The following PANK3 variants were observed in gnomAD, a reference collection of about 807,000 sequenced individuals.
PANK3 encodes hPanK3.
PANK3 carries 20 observed loss-of-function variants against 39.4 expected under a neutral mutation model. The ratio of observed to expected loss-of-function variants is 0.51; its 90% CI spans 0.36 to 0.74. The LOEUF (loss-of-function observed/expected upper bound fraction) is 0.74. Among genes scored for constraint, PANK3 ranks in the 30% least tolerant of loss-of-function variants. The probability of loss-of-function intolerance (pLI) is 0.00; values close to 1 mark genes in which losing one functional copy is unlikely to be tolerated. For synonymous variants in PANK3, 140 were observed against 157.3 expected (o/e 0.89, Z 0.82); for missense variants, 265 against 437.0 (o/e 0.61, Z 3.51).
intron 1 of PANK3, among the ~76,000 whole-genome samples, chr5:168,569,727 T>G (rs1378560952): frequency 2.6e-5 from 4 of 152,116 alleles, no homozygotes; most frequent in Non-Finnish European, 4.4e-5. Flanking sequence ...TATAATCACT[T>G]CAAGTAACCC....
intron 1 of PANK3, 31 bp downstream of exon 1, chr5:168,579,225 C>G: frequency 6.7e-7 from 1 of 1,486,106 alleles, no homozygotes; most frequent in Non-Finnish European, 9.0e-7. Flanking sequence ...GGGTGCCCTC[C>G]CAACCTGGCG....
At chr5:168,574,689 C>T (rs1431976546) in intron 1 of PANK3, among the ~76,000 whole-genome samples, 5 of 152,080 alleles carry the variant, frequency 3.3e-5, no homozygotes, top group Non-Finnish European at 1.5e-5. Context: ...GGTGAAACCT[C>T]GTCTCTACCA....
intron 5 of PANK3, among the ~76,000 whole-genome samples, chr5:168,560,059 A>G (rs1328553764): frequency 6.6e-6 from 1 of 152,194 alleles, no homozygotes; most frequent in Non-Finnish European, 1.5e-5. Flanking sequence ...ATCTTTGTAC[A>G]TAAGTTGGGA....
At chr5:168,569,631 G>T (rs1341977901) in intron 1 of PANK3, among the ~76,000 whole-genome samples, 1 of 152,078 alleles carries the variant, frequency 6.6e-6, no homozygotes, top group Non-Finnish European at 1.5e-5. Context: ...AAAAAATTCA[G>T]ATCATTCTTT....
chr5:168,564,108 A>C, intron 3 of PANK3, 43 bp from the exon 4 acceptor site: 1 of 1,482,624 alleles, frequency 6.7e-7, no homozygotes, highest in Non-Finnish European at 9.1e-7. Context: ...TTTATACATT[A>C]TATTCTTTCT....
At chr5:168,576,494 T>C (rs1156331979) in intron 1 of PANK3, among the ~76,000 whole-genome samples, 1 of 152,226 alleles carries the variant, frequency 6.6e-6, no homozygotes, top group Non-Finnish European at 1.5e-5. Flanking sequence ...TCCCCTGGCG[T>C]TGAATTAACA....
chr5:168,561,179 TCTC>T (rs925182377), intron 5 of PANK3, among the ~76,000 whole-genome samples: 3 of 152,192 alleles, frequency 2.0e-5, no homozygotes, highest in Non-Finnish European at 2.9e-5. Context: ...TGAATAAATT[TCTC>T]CTATTTCAAT....
chr5:168,577,218 C>A (rs896312811), intron 1 of PANK3, among the ~76,000 whole-genome samples: 3 of 151,962 alleles, frequency 2.0e-5, no homozygotes, highest in Non-Finnish European at 4.4e-5. Flanking sequence ...GTTGAAATAC[C>A]TTCTTTCCCA....
intron 1 of PANK3, among the ~76,000 whole-genome samples, chr5:168,573,528 A>G (rs1329031768): frequency 6.7e-6 from 1 of 148,996 alleles, no homozygotes; most frequent in Non-Finnish European, 1.5e-5. Flanking sequence ...TTTTTTAAAA[A>G]TTATTATTAT....
At chr5:168,561,622 A>G in intron 4 of PANK3, 106 bp from the exon 5 acceptor site, 1 of 1,011,942 alleles carries the variant, frequency 9.9e-7, no homozygotes, top group Non-Finnish European at 1.3e-6. Context: ...TTAGGACCAA[A>G]AAGTAGAAAC....
rs745494746 is a variant in PANK3 at position 168,579,243 on chromosome 5, GCCC to G, written c.28+10_28+12del. On this transcript the variant is annotated intron_variant, in intron 1 of 6. Transcript: ENST00000239231. ...TGCCCTCCCAACCTGGCGGGCCCCA[GCCC>G]CCGTCTTACAGGGTTTCTTGGCATC... 5.8e-5 allele frequency: 87 copies of G among 1,490,170 alleles called. No individual in the cohort carries two copies. The highest frequency in any genetic ancestry group is 2.7e-6 in the Non-Finnish European group (3 of 1,117,600). 92.3% of individuals were successfully genotyped at this position (1,490,170 alleles called of 1,614,324 possible).
At chr5:168,560,209 T>G (rs1759425070) in intron 5 of PANK3, among the ~76,000 whole-genome samples, 1 of 152,152 alleles carries the variant, frequency 6.6e-6, no homozygotes, top group South Asian at 2.1e-4. Flanking sequence ...AACTAACACT[T>G]AAGTTTCTAA....
At chr5:168,573,416 C>CAAAAAAAAAA (rs574960925) in intron 1 of PANK3, among the ~76,000 whole-genome samples, 189 of 16,962 alleles carry the variant, frequency 0.011, 20 homozygotes, top group African/African-American at 0.022. Context: ...CTCAGCAAGG[C>CAAAAAAAAAA]AAAAAAAAAA....
chr5:168,575,390 A>G (rs1222993956), intron 1 of PANK3, among the ~76,000 whole-genome samples: 1 of 152,256 alleles, frequency 6.6e-6, no homozygotes, highest in African/African-American at 2.4e-5. Context: ...ACAAGAGCAG[A>G]CTGTTAATTT....
rs542962946 is a variant in PANK3, at chr5:168,549,961, C to T, written c.*7610G>A. ...GACATGGTTCTTCCCACATCTATCC[C>T]CACTCACAATGATCAGAAATAAGAA... On this transcript the variant is annotated 3_prime_UTR_variant, in exon 7 of 7. Coordinates refer to ENST00000239231, the MANE Select transcript of PANK3 (RefSeq NM_024594.4). 13 of 152,112 alleles carry T rather than the reference C, an allele frequency of 8.5e-5. No homozygotes were observed. In the East Asian group the frequency reaches 2.5e-3, roughly 29 times the overall value. 9.4% of individuals were successfully genotyped at this position (152,112 alleles called of 1,614,324 possible).
Position 168,549,534 on chromosome 5 carries a change from G to T in PANK3, c.*8037C>A, listed in dbSNP as rs1458277816. On this transcript the variant is annotated 3_prime_UTR_variant, in exon 7 of 7. Transcript: ENST00000239231. ...AAAAATTTAATAATATCCTACAACTGAATTAGTTGCATATTTATACCATTC... is the reference window on the plus strand; with the variant it reads ...AAAAATTTAATAATATCCTACAACTTAATTAGTTGCATATTTATACCATTC... 1 of 152,152 alleles carries T rather than the reference G, an allele frequency of 6.6e-6. No individual in the cohort carries two copies. The highest frequency in any genetic ancestry group is 2.4e-5 in the African/African-American group (1 of 41,438). 9.4% of individuals were successfully genotyped at this position (152,152 alleles called of 1,614,324 possible).
rs190582420 is a variant in PANK3 at position 168,573,618 on chromosome 5, C to T, written c.29-4620G>A. The stretch of plus-strand genomic sequence containing the variant: ...CATGTGCCATCCTGGTACGCTGCAC[C>T]AACTCGTCATCTAGCATTAGGTATA... On this transcript the variant is annotated intron_variant, in intron 1 of 6. Coordinates refer to ENST00000239231, the MANE Select transcript of PANK3 (RefSeq NM_024594.4). 8.4e-4 allele frequency among the ~76,000 whole-genome samples: 126 copies of T among 150,874 alleles called. 1 individual carries two copies. Among genetic ancestry groups the T allele is most frequent in the Non-Finnish European group, 5.2e-4 (35 of 67,772 alleles).
chr5:168,568,925 T>A lies in PANK3; in HGVS notation c.102A>T (p.Thr34=). ...CAACTTCTTCTTGCTCTTCCTCTGC[T>A]GTGATATCAATAGGTTCAAAGTACG... The part of the protein sequence containing the change: ...KLSYFEPIDI[T]AEEEQEEVES... Residue 34 remains threonine (T), a synonymous_variant, in exon 2 of 7, where the codon ACA becomes ACT. Transcript: ENST00000239231. 6.2e-7 allele frequency: 1 copy of A among 1,611,436 alleles called. No homozygotes were observed. Among genetic ancestry groups the A allele is most frequent in the Non-Finnish European group, 8.5e-7 (1 of 1,179,588 alleles).
At position 168,553,274 on chromosome 5, in the gene PANK3, G is replaced by T; in HGVS notation, c.*4297C>A. ...AGAGCACTAAAGGTACCCCAAAGGG[G>T]AGTAGGCGAGATCTCTCCAATGTAC... On this transcript the variant is annotated 3_prime_UTR_variant, in exon 7 of 7. Transcript: ENST00000239231. 1 of 528,918 alleles carries T rather than the reference G, an allele frequency of 1.9e-6. No individual in the cohort carries two copies. The highest frequency in any genetic ancestry group is 3.8e-6 in the Non-Finnish European group (1 of 263,818). The allele number at this position is 528,918 out of a possible 1,614,324, so 32.8% of individuals were successfully genotyped here. A position where few individuals can be genotyped will look rare whatever the true frequency, so the allele number is the denominator to read the frequency against.
Sources: allele counts gnomAD v4.1 joint callset (sites outside exome capture counted in the v4.1 genomes callset), GRCh38; gene constraint gnomAD v4.1.1; transcripts MANE v1.5; gene names NCBI Gene and HGNC (gene_info 2026-07-23, HGNC 2026-07-21).